Variants in RAB27B observed in about 807,000 individuals in gnomAD.
RAB27B encodes ras-related protein Rab-27B.
In RAB27B, 15 loss-of-function variants were observed where a neutral mutation model predicts 24.6. The observed-to-expected ratio is 0.61, with a 90% CI of 0.41 to 0.94. RAB27B has a LOEUF of 0.94. Ranked by LOEUF, RAB27B falls within the 40% of genes least tolerant of loss-of-function variation. The probability of loss-of-function intolerance (pLI) is 0.00; values close to 1 mark genes in which losing one functional copy is unlikely to be tolerated. For missense variants in RAB27B, 261 were observed against 266.8 expected, an observed-to-expected ratio of 0.98 and a Z score of 0.15; for synonymous variants, 105 against 92.5, an observed-to-expected ratio of 1.14 and a Z score of -0.78.
intron 1 of RAB27B, among the ~76,000 whole-genome samples, chr18:54,865,667 G>A (rs369108735): frequency 1.3e-5 from 2 of 152,126 alleles, no homozygotes; most frequent in South Asian, 4.2e-4. Context: ...AGACAAGTTA[G>A]CATCCACACG....
intron 2 of RAB27B, among the ~76,000 whole-genome samples, chr18:54,724,403 A>G (rs2035122214): frequency 6.6e-6 from 1 of 151,556 alleles, no homozygotes; most frequent in African/African-American, 2.4e-5. Context: ...CAAGGTATCT[A>G]GAACATGGGA....
At chr18:54,800,768 T>C (rs1909575560) in intron 2 of RAB27B, among the ~76,000 whole-genome samples, 1 of 152,186 alleles carries the variant, frequency 6.6e-6, no homozygotes, top group African/African-American at 2.4e-5. Context: ...TACTAACTTT[T>C]TTCCATTGTA....
intron 1 of RAB27B, among the ~76,000 whole-genome samples, chr18:54,856,543 A>G (rs1346452269): frequency 6.6e-6 from 1 of 152,200 alleles, no homozygotes; most frequent in East Asian, 1.9e-4. Context: ...GGGAGCATGG[A>G]GACAAGTTAG....
At chr18:54,879,326 A>G (rs765330963) in intron 2 of RAB27B, 43 bp from the exon 3 acceptor site, 7 of 1,510,352 alleles carry the variant, frequency 4.6e-6, no homozygotes, top group Non-Finnish European at 5.5e-6. Flanking sequence ...GAGTGCTGAC[A>G]AAATCCAAAG....
chr18:54,851,486 G>T (rs935540830), intron 1 of RAB27B, among the ~76,000 whole-genome samples: 1 of 152,070 alleles, frequency 6.6e-6, no homozygotes, highest in Non-Finnish European at 1.5e-5. Context: ...ACAAGAATTA[G>T]CATACTATTT....
intron 2 of RAB27B, among the ~76,000 whole-genome samples, chr18:54,811,600 A>G (rs949419580): frequency 1.3e-5 from 2 of 152,198 alleles, no homozygotes. Context: ...GGGCAGAGGA[A>G]GCAATCAGAT....
upstream of RAB27B, among the ~76,000 whole-genome samples, chr18:54,826,917 A>G (rs1196592101): frequency 2.0e-5 from 3 of 152,208 alleles, no homozygotes; most frequent in Admixed American, 1.3e-4. Context: ...AATAATAGCT[A>G]TTAGGACTAA....
chr18:54,795,872 A>T (rs1300201417), intron 2 of RAB27B, among the ~76,000 whole-genome samples: 2 of 152,182 alleles, frequency 1.3e-5, no homozygotes, highest in African/African-American at 2.4e-5. Context: ...TGTATTTATC[A>T]TTAGCATTTT....
intron 2 of RAB27B, among the ~76,000 whole-genome samples, chr18:54,756,878 C>G (rs1057044741): frequency 1.3e-5 from 2 of 152,136 alleles, no homozygotes; most frequent in Non-Finnish European, 2.9e-5. Context: ...TCCTTTATAT[C>G]TAACTAAAGT....
At chr18:54,724,228 G>A (rs1221832232) in intron 2 of RAB27B, among the ~76,000 whole-genome samples, 3 of 151,578 alleles carry the variant, frequency 2.0e-5, no homozygotes, top group Non-Finnish European at 4.4e-5. Context: ...ATTCAACCAG[G>A]TCAAGAAAGA....
intron 2 of RAB27B, among the ~76,000 whole-genome samples, chr18:54,804,916 T>C (rs12454743): frequency 6.4e-4 from 13 of 20,174 alleles, no homozygotes; most frequent in African/African-American, 4.5e-4. Context: ...CTTTCTTTCT[T>C]TCTTTCTTTC....
chr18:54,866,747 G>A (rs1169187627), intron 1 of RAB27B, among the ~76,000 whole-genome samples: 2 of 152,168 alleles, frequency 1.3e-5, no homozygotes, highest in South Asian at 2.1e-4. Context: ...GCCAGTTTAT[G>A]CCTGACTGAC....
At chr18:54,794,265 G>C (rs549198710) in intron 2 of RAB27B, among the ~76,000 whole-genome samples, 44 of 152,212 alleles carry the variant, frequency 2.9e-4, no homozygotes, top group African/African-American at 1.0e-3. Flanking sequence ...AGTCTTCATT[G>C]CACACTCTAG....
intron 2 of RAB27B, among the ~76,000 whole-genome samples, chr18:54,736,487 T>C (rs1366340909): frequency 6.6e-6 from 1 of 152,122 alleles, no homozygotes; most frequent in Non-Finnish European, 1.5e-5. Flanking sequence ...AAAAAGGCTA[T>C]TAATAGCTAT....
chr18:54,808,533 T>C (rs1485284482), intron 2 of RAB27B, among the ~76,000 whole-genome samples: 1 of 152,238 alleles, frequency 6.6e-6, no homozygotes, highest in East Asian at 1.9e-4. Flanking sequence ...AAATCTCTTA[T>C]TATCAGCCTC....
intron 2 of RAB27B, 85 bp from the exon 3 acceptor site, chr18:54,879,283 GA>G (rs940696451): frequency 4.8e-5 from 49 of 1,010,980 alleles, no homozygotes; most frequent in Non-Finnish European, 7.6e-5. Context: ...TAGTAATTGA[GA>G]AAAAAACATG....
At chr18:54,856,576 A>G (rs1240108814) in intron 1 of RAB27B, among the ~76,000 whole-genome samples, 1 of 152,222 alleles carries the variant, frequency 6.6e-6, no homozygotes, top group African/African-American at 2.4e-5. Flanking sequence ...AGTTGCAGTG[A>G]CCATGCAGTT....
intron 2 of RAB27B, among the ~76,000 whole-genome samples, chr18:54,807,519 C>A (rs187725188): frequency 2.0e-5 from 3 of 152,302 alleles, no homozygotes; most frequent in Non-Finnish European, 4.4e-5. Flanking sequence ...ATCACTAAGT[C>A]TCCAGCCTTT....
chr18:54,758,635 T>TAAAAA (rs58044123), intron 2 of RAB27B, among the ~76,000 whole-genome samples: 2 of 141,672 alleles, frequency 1.4e-5, no homozygotes, highest in Non-Finnish European at 1.5e-5. Flanking sequence ...CAAAAACAAT[T>TAAAAA]AAAAAAAAAA....
Sources: gnomAD v4.1 joint callset for allele counts (sites outside exome capture counted in the v4.1 genomes callset) on GRCh38, gnomAD v4.1.1 for gene constraint, MANE v1.5 for transcripts, NCBI Gene and HGNC (gene_info 2026-07-23, HGNC 2026-07-21) for gene names.